CBLN2: variants seen among roughly 807,000 people sequenced by gnomAD.
The protein encoded by CBLN2 is cerebellin 2 precursor.
In CBLN2, 7 loss-of-function variants were observed where a neutral mutation model predicts 15.0. The observed-to-expected ratio is 0.47, with a 90% CI of 0.27 to 0.88. The LOEUF (loss-of-function observed/expected upper bound fraction) is 0.88, where lower values mean the gene tolerates loss of function less well. CBLN2 is among the 40% of genes least tolerant of loss of function. The probability of loss-of-function intolerance (pLI) is 0.14; values close to 1 mark genes in which losing one functional copy is unlikely to be tolerated. For synonymous variants in CBLN2, 149 were observed against 135.2 expected, an observed-to-expected ratio of 1.10 and a Z score of -0.71; for missense variants, 242 against 304.5, an observed-to-expected ratio of 0.79 and a Z score of 1.53.
intron 1 of CBLN2, among the ~76,000 whole-genome samples, chr18:72,552,065 A>C (rs2069194869): frequency 6.8e-6 from 1 of 147,350 alleles, no homozygotes; most frequent in Non-Finnish European, 1.5e-5. Flanking sequence ...TCTGAATTTC[A>C]CTGTTTATTA....
intron 1 of CBLN2, among the ~76,000 whole-genome samples, chr18:72,558,740 T>C (rs1353469228): frequency 1.3e-5 from 2 of 152,206 alleles, no homozygotes; most frequent in Admixed American, 1.3e-4. Flanking sequence ...TTTTCTATTG[T>C]ATAAGCATAT....
chr18:72,539,545 T>A (rs1373126109), intron 3 of CBLN2: 2 of 152,288 alleles, frequency 1.3e-5, no homozygotes, highest in African/African-American at 2.4e-5. Flanking sequence ...AGCTTGGACA[T>A]CCTTAGCTTA....
intron 1 of CBLN2, among the ~76,000 whole-genome samples, chr18:72,566,647 G>C (rs2069297076): frequency 6.6e-6 from 1 of 152,152 alleles, no homozygotes; most frequent in Non-Finnish European, 1.5e-5. Context: ...CAAGGCTGTG[G>C]AGGGTAGGAG....
At chr18:72,540,118 C>T (rs552388806) in intron 3 of CBLN2, 1 of 152,276 alleles carries the variant, frequency 6.6e-6, no homozygotes, top group Admixed American at 6.5e-5. Context: ...CCTCGGGATG[C>T]CTATTCTCAG....
intron 1 of CBLN2, among the ~76,000 whole-genome samples, chr18:72,595,926 T>G (rs1373217691): frequency 6.6e-6 from 1 of 152,122 alleles, no homozygotes; most frequent in African/African-American, 2.4e-5. Flanking sequence ...ATAGGTGAAG[T>G]GTGTTCCTTG....
chr18:72,547,786 G>A (rs2069167785), upstream of CBLN2, among the ~76,000 whole-genome samples: 1 of 152,130 alleles, frequency 6.6e-6, no homozygotes. Context: ...CTTCTCAAGT[G>A]TTCTCCCGTA....
At chr18:72,559,468 G>A (rs911782986) in intron 1 of CBLN2, among the ~76,000 whole-genome samples, 1 of 152,174 alleles carries the variant, frequency 6.6e-6, no homozygotes, top group African/African-American at 2.4e-5. Flanking sequence ...CTCTGTTGGT[G>A]AGTTTATGGC....
At chr18:72,555,376 A>G (rs2069219959) in intron 1 of CBLN2, among the ~76,000 whole-genome samples, 1 of 151,898 alleles carries the variant, frequency 6.6e-6, no homozygotes, top group Non-Finnish European at 1.5e-5. Flanking sequence ...TTTGAGGGGG[A>G]GGGAGAATTT....
chr18:72,624,415 G>T (rs372521151), intron 1 of CBLN2, among the ~76,000 whole-genome samples: 35 of 152,140 alleles, frequency 2.3e-4, no homozygotes, highest in African/African-American at 6.7e-4. Context: ...CGAGGCGGGC[G>T]GATCACTTGA....
At chr18:72,539,995 A>C (rs1023015661) in intron 3 of CBLN2, 14 of 152,198 alleles carry the variant, frequency 9.2e-5, no homozygotes, top group African/African-American at 3.4e-4. Flanking sequence ...CGCCGAAATG[A>C]CTTGTGAAAT....
chr18:72,594,925 T>C (rs535169706), intron 1 of CBLN2, among the ~76,000 whole-genome samples: 3 of 152,212 alleles, frequency 2.0e-5, no homozygotes, highest in African/African-American at 4.8e-5. Flanking sequence ...TCTTCACTTC[T>C]TAGTCTTGGT....
chr18:72,542,703 C>T (rs535082027), intron 2 of CBLN2, among the ~76,000 whole-genome samples: 2 of 152,176 alleles, frequency 1.3e-5, no homozygotes, highest in Non-Finnish European at 2.9e-5. Flanking sequence ...GCCTTCTCGC[C>T]TTCATCTCAC....
rs548021249 is a variant in CBLN2, at chr18:72,581,607, G to A, written c.16-42835C>T. ...TTCTCATGAGTTTTCTCTCTTTCTT[G>A]TTTACACGAAGTTATCTGTATATTC... On this transcript the variant is annotated intron_variant, in intron 1 of 2. Coordinates refer to the CBLN2 transcript ENST00000581073. 3.3e-5 allele frequency among the ~76,000 whole-genome samples: 5 copies of A among 152,090 alleles called. No individual in the cohort carries two copies. The East Asian group carries it at 9.7e-4, about 29-fold the overall frequency.
At position 72,543,360 on chromosome 18, in the gene CBLN2, C is replaced by T; in HGVS notation, c.-167+126G>A. The T allele has an allele frequency of 5.1e-6, 2 of 394,376 alleles. No homozygotes were observed. The highest frequency in any genetic ancestry group is 9.0e-6 in the Non-Finnish European group (2 of 223,458). The allele number at this position is 394,376 out of a possible 1,614,324, so 24.4% of individuals were successfully genotyped here. Reference sequence around the variant, plus strand: ...AATATCCGCTGTCCGCAGCCCCGATCCTACATGATTTCCCTTCTCTCTCTC... The same window carrying T: ...AATATCCGCTGTCCGCAGCCCCGATTCTACATGATTTCCCTTCTCTCTCTC... On this transcript the variant is annotated intron_variant, in intron 2 of 4. Transcript: ENST00000269503. The surrounding 1 kb of genome is among the most constrained non-coding windows in gnomAD (Gnocchi z 6.8).
intron 1 of CBLN2, among the ~76,000 whole-genome samples, chr18:72,560,247 G>T (rs2069251577): frequency 2.0e-5 from 3 of 152,200 alleles, no homozygotes; most frequent in Non-Finnish European, 2.9e-5. Context: ...CCAGATGCAG[G>T]CCAGTCATGG....
intron 1 of CBLN2, among the ~76,000 whole-genome samples, chr18:72,627,896 T>C (rs2069750930): frequency 6.6e-6 from 1 of 152,246 alleles, no homozygotes; most frequent in South Asian, 2.1e-4. Flanking sequence ...TAAAAAATTA[T>C]GTTTCTTGTC....
chr18:72,619,940 T>A (rs2069688687), intron 1 of CBLN2, among the ~76,000 whole-genome samples: 1 of 152,182 alleles, frequency 6.6e-6, no homozygotes, highest in African/African-American at 2.4e-5. Context: ...AGTGAGCACT[T>A]TTAGGCATTG....
Position 72,543,817 on chromosome 18 carries a change from C to G in CBLN2, c.-212+160G>C, listed in dbSNP as rs1362738102. Among the ~76,000 whole-genome samples, 1 of 151,884 alleles carries G rather than the reference C, an allele frequency of 6.6e-6. No individual in the cohort carries two copies. Among genetic ancestry groups the G allele is most frequent in the Non-Finnish European group, 1.5e-5 (1 of 67,956 alleles). ...CTGCCTGGGGCCCCTCGAGCTCCCGCGCTCAGCGCGTCCGCAGCGCGGCTC... is the reference window on the plus strand; with the variant it reads ...CTGCCTGGGGCCCCTCGAGCTCCCGGGCTCAGCGCGTCCGCAGCGCGGCTC... On this transcript the variant is annotated intron_variant, in intron 1 of 4. Transcript: ENST00000269503. The surrounding 1 kb of genome is among the most constrained non-coding windows in gnomAD (Gnocchi z 6.8).
At chr18:72,549,400 G>T (rs1382413768) in intron 1 of CBLN2, among the ~76,000 whole-genome samples, 1 of 152,148 alleles carries the variant, frequency 6.6e-6, no homozygotes, top group African/African-American at 2.4e-5. Flanking sequence ...TTCTATTCTT[G>T]TGGGAATATT....
Sources: allele counts gnomAD v4.1 joint callset (sites outside exome capture counted in the v4.1 genomes callset), GRCh38; gene constraint gnomAD v4.1.1; non-coding constraint Gnocchi (gnomAD v3.1); transcripts MANE v1.5; gene names NCBI Gene and HGNC (gene_info 2026-07-23, HGNC 2026-07-21).